MTRFR: variants seen among roughly 807,000 people sequenced by gnomAD.
MTRFR encodes the protein mitochondrial translation release factor in rescue.
In MTRFR, 10 loss-of-function variants were observed where a neutral mutation model predicts 11.9. The observed-to-expected ratio is 0.84, with a 90% confidence interval of 0.52 to 1.42. The LOEUF is 1.42. MTRFR is among the 40% of genes most tolerant of loss of function. MTRFR has a pLI of 0.00. For missense variants in MTRFR, 196 were observed against 197.9 expected (o/e 0.99, Z 0.06); for synonymous variants, 77 against 79.1 (o/e 0.97, Z 0.14).
rs770023964 is a variant in MTRFR at position 123,253,635 on chromosome 12, C to T, written c.-28-12C>T. The T allele has an allele frequency of 6.2e-7, 1 of 1,613,394 alleles. No homozygotes were observed. The highest frequency in any genetic ancestry group is 8.5e-7 in the Non-Finnish European group (1 of 1,179,674). Reference sequence around the variant, plus strand: ...CCTCTTACTGAAAGCTCTCCTTATTCATCTAACCCAGGTCCTCAGCCAGCA... The same window carrying T: ...CCTCTTACTGAAAGCTCTCCTTATTTATCTAACCCAGGTCCTCAGCCAGCA... On this transcript the variant is annotated splice_polypyrimidine_tract_variant and intron_variant, in intron 1 of 2. Coordinates refer to ENST00000253233, the MANE Select transcript of MTRFR (RefSeq NM_152269.5).
chr12:123,246,121 G>A (rs891261721), intron 1 of MTRFR, among the ~76,000 whole-genome samples: 11 of 151,662 alleles, frequency 7.3e-5, no homozygotes, highest in South Asian at 2.1e-4. Context: ...GCAGTGGGGC[G>A]ATCTCAGCTC....
chr12:123,240,945 C>T (rs933024492), intron 1 of MTRFR, among the ~76,000 whole-genome samples: 1 of 151,862 alleles, frequency 6.6e-6, no homozygotes, highest in Non-Finnish European at 1.5e-5. Flanking sequence ...AACTCCTGAC[C>T]TCAGGTAATC....
chr12:123,244,789 C>T (rs902584992), intron 1 of MTRFR, among the ~76,000 whole-genome samples: 1 of 151,864 alleles, frequency 6.6e-6, no homozygotes, highest in East Asian at 1.9e-4. Context: ...CGTGCCAACA[C>T]ACCTGGCTAA....
chr12:123,237,282 T>C (rs1256162809), intron 1 of MTRFR, among the ~76,000 whole-genome samples: 1 of 151,908 alleles, frequency 6.6e-6, no homozygotes, highest in East Asian at 1.9e-4. Flanking sequence ...AATACAAAAT[T>C]AGCCGGGCAT....
chr12:123,246,642 G>T (rs1365438645), intron 1 of MTRFR, among the ~76,000 whole-genome samples: 3 of 148,600 alleles, frequency 2.0e-5, no homozygotes, highest in African/African-American at 7.6e-5. Flanking sequence ...GGTTTTGAAG[G>T]TTCCTTTTGG....
Position 123,256,797 on chromosome 12 carries a change from A to G in MTRFR, c.283-16A>G. 6.3e-7 allele frequency: 1 copy of G among 1,596,150 alleles called. No individual in the cohort carries two copies. Among genetic ancestry groups the G allele is most frequent in the Non-Finnish European group, 8.6e-7 (1 of 1,163,854 alleles). On this transcript the variant is annotated splice_polypyrimidine_tract_variant and intron_variant, in intron 2 of 2. Transcript: ENST00000253233. ...CATCCTGTGGTTTTCACATTATAAA[A>G]TATTATCTCTTACAGTGCCATCAGA...
At chr12:123,239,649 G>A (rs531042482) in intron 1 of MTRFR, among the ~76,000 whole-genome samples, 2 of 152,228 alleles carry the variant, frequency 1.3e-5, no homozygotes, top group Admixed American at 6.5e-5. Flanking sequence ...TGATCTGCCC[G>A]CCTTGGCCTC....
chr12:123,242,947 C>G (rs2047965251), intron 1 of MTRFR, among the ~76,000 whole-genome samples: 2 of 152,122 alleles, frequency 1.3e-5, no homozygotes, highest in South Asian at 4.1e-4. Context: ...CTGCCTGATA[C>G]ACAAATGAAT....
At chr12:123,247,103 G>A (rs2048053858) in intron 1 of MTRFR, among the ~76,000 whole-genome samples, 1 of 152,104 alleles carries the variant, frequency 6.6e-6, no homozygotes, top group Non-Finnish European at 1.5e-5. Context: ...AAAGTTCCAT[G>A]TACTGTTGAA....
upstream of MTRFR, chr12:123,233,021 C>T (rs1477827773): frequency 6.6e-6 from 1 of 152,288 alleles, no homozygotes; most frequent in Non-Finnish European, 1.5e-5. Flanking sequence ...TCTCCTAAGT[C>T]TCGTCTCCTG....
At chr12:123,243,306 G>A (rs1049421765) in intron 1 of MTRFR, among the ~76,000 whole-genome samples, 4 of 151,922 alleles carry the variant, frequency 2.6e-5, no homozygotes, top group Non-Finnish European at 4.4e-5. Context: ...CGAGGCGGGC[G>A]GATCACGAGG....
chr12:123,240,935 A>C (rs543070484), intron 1 of MTRFR, among the ~76,000 whole-genome samples: 1 of 151,972 alleles, frequency 6.6e-6, no homozygotes, highest in South Asian at 2.1e-4. Flanking sequence ...ACTGGTCTTG[A>C]ACTCCTGACC....
intron 1 of MTRFR, among the ~76,000 whole-genome samples, chr12:123,236,810 C>T (rs1041628547): frequency 6.6e-6 from 1 of 151,776 alleles, no homozygotes; most frequent in Admixed American, 6.6e-5. Flanking sequence ...AATATGGGGC[C>T]GGGCGCGGTG....
At chr12:123,254,102 C>A in intron 2 of MTRFR, 146 bp downstream of exon 2, 1 of 894,888 alleles carries the variant, frequency 1.1e-6, no homozygotes, top group African/African-American at 1.7e-5. Context: ...CAGTAGAGAG[C>A]ACCGCAGATC....
chr12:123,235,773 G>C (rs776323416), intron 1 of MTRFR, among the ~76,000 whole-genome samples: 12 of 151,810 alleles, frequency 7.9e-5, no homozygotes, highest in Non-Finnish European at 1.3e-4. Flanking sequence ...TTTTTAAAAA[G>C]AGAAAGTTGG....
At chr12:123,237,266 A>G (rs1453419809) in intron 1 of MTRFR, among the ~76,000 whole-genome samples, 1 of 151,966 alleles carries the variant, frequency 6.6e-6, no homozygotes, top group Non-Finnish European at 1.5e-5. Context: ...CCCCGCCTCT[A>G]CTAAAAATAC....
chr12:123,236,958 G>T (rs1237211518), intron 1 of MTRFR, among the ~76,000 whole-genome samples: 1 of 152,112 alleles, frequency 6.6e-6, no homozygotes, highest in Non-Finnish European at 1.5e-5. Flanking sequence ...GGCGGCATGC[G>T]CCTGTAGTCC....
intron 1 of MTRFR, chr12:123,251,475 A>G (rs985347415): frequency 2.0e-5 from 3 of 152,292 alleles, no homozygotes; most frequent in African/African-American, 7.2e-5. Context: ...CCAGGCAGGA[A>G]TGGGCCTTCT....
intron 1 of MTRFR, among the ~76,000 whole-genome samples, chr12:123,242,075 A>T (rs1319868545): frequency 6.6e-6 from 1 of 152,178 alleles, no homozygotes; most frequent in African/African-American, 2.4e-5. Flanking sequence ...CCCATGCCTG[A>T]TACTCAATAG....
Sources: gnomAD v4.1 joint callset for allele counts (sites outside exome capture counted in the v4.1 genomes callset) on GRCh38, gnomAD v4.1.1 for gene constraint, MANE v1.5 for transcripts, NCBI Gene and HGNC (gene_info 2026-07-23, HGNC 2026-07-21) for gene names.